Variants in S100Z observed in about 807,000 individuals in gnomAD.
S100Z encodes protein S100-Z.
Under a neutral mutation model 8.5 loss-of-function variants are expected in S100Z, and 11 were observed. That is an observed-to-expected ratio of 1.30 (90% CI 0.82 to 2.15). S100Z has a LOEUF of 2.15. Among genes scored for constraint, S100Z ranks in the 30% most tolerant of loss-of-function variants. The probability of loss-of-function intolerance (pLI) is 0.00; values close to 1 mark genes in which losing one functional copy is unlikely to be tolerated. For missense variants in S100Z, 126 were observed against 117.9 expected (o/e 1.07, Z -0.32); for synonymous variants, 34 against 43.8 (o/e 0.78, Z 0.89).
chr5:76,887,514 C>G (rs1256989564), intron 4 of S100Z, among the ~76,000 whole-genome samples: 1 of 151,458 alleles, frequency 6.6e-6, no homozygotes, highest in Non-Finnish European at 1.5e-5. Flanking sequence ...ATTCTCATGC[C>G]TCAGCCTCCC....
At chr5:76,911,139 A>G (rs1319362692) in intron 4 of S100Z, among the ~76,000 whole-genome samples, 1 of 152,286 alleles carries the variant, frequency 6.6e-6, no homozygotes, top group Non-Finnish European at 1.5e-5. Flanking sequence ...AGGCTAAAAG[A>G]TCCCACCACT....
chr5:76,923,085 C>G (rs1289643570), downstream of S100Z, among the ~76,000 whole-genome samples: 1 of 151,360 alleles, frequency 6.6e-6, no homozygotes, highest in African/African-American at 2.4e-5. Flanking sequence ...AATTCCGTGA[C>G]ATCATCTAAT....
chr5:76,918,545 T>TA (rs1324805973), intron 4 of S100Z, among the ~76,000 whole-genome samples: 4 of 152,186 alleles, frequency 2.6e-5, no homozygotes, highest in Non-Finnish European at 5.9e-5. Context: ...AAATAGACTT[T>TA]AGAGTAGTTT....
At chr5:76,945,302 G>A in the S100Z span, among the ~76,000 whole-genome samples, 7,502 of 152,160 alleles carry the variant, frequency 0.049, 598 homozygotes, top group African/African-American at 0.17. Flanking sequence ...GTTTCTTCCC[G>A]TGTGATAGCC....
chr5:76,904,409 C>T (rs747861839), intron 4 of S100Z, among the ~76,000 whole-genome samples: 4 of 151,932 alleles, frequency 2.6e-5, no homozygotes, highest in East Asian at 1.9e-4. Flanking sequence ...GCCTCCTGAG[C>T]AGCTGGGATC....
chr5:76,852,605 G>T (rs917301421), intron 1 of S100Z, among the ~76,000 whole-genome samples: 1 of 152,172 alleles, frequency 6.6e-6, no homozygotes, highest in Non-Finnish European at 1.5e-5. Flanking sequence ...AGCTACTCAG[G>T]AGGCTAAGGC....
chr5:76,952,952 TA>T, the S100Z span: 1 of 603,174 alleles, frequency 1.7e-6, no homozygotes, highest in South Asian at 2.0e-5. Flanking sequence ...TGAGACAGGG[TA>T]ACCCATGGTT....
intron 3 of S100Z, 104 bp from the exon 4 acceptor site, chr5:76,877,570 A>G: frequency 1.3e-6 from 1 of 745,498 alleles, no homozygotes; most frequent in Admixed American, 2.5e-5. Context: ...TTTAGATGCT[A>G]TAAATGGAAA....
chr5:76,937,827 T>C, the S100Z span, among the ~76,000 whole-genome samples: 1 of 151,284 alleles, frequency 6.6e-6, no homozygotes, highest in African/African-American at 2.4e-5. Context: ...CTTCTTTTCA[T>C]CCCTATTATG....
the S100Z span, among the ~76,000 whole-genome samples, chr5:76,936,658 A>AC: frequency 8.5e-3 from 526 of 62,018 alleles, 3 homozygotes; most frequent in African/African-American, 0.02. Context: ...CACACACACA[A>AC]CCATGAAGGA....
intron 2 of S100Z, among the ~76,000 whole-genome samples, chr5:76,873,689 G>T (rs1250627220): frequency 3.3e-5 from 5 of 152,168 alleles, no homozygotes; most frequent in Non-Finnish European, 5.9e-5. Flanking sequence ...AGGCAGCAAG[G>T]CCAGGGGCAG....
intron 1 of S100Z, among the ~76,000 whole-genome samples, chr5:76,861,307 G>T (rs1248303609): frequency 6.6e-6 from 1 of 152,026 alleles, no homozygotes; most frequent in Non-Finnish European, 1.5e-5. Flanking sequence ...TGCCTCCAGA[G>T]TGAGTGATTC....
At chr5:76,892,478 G>A (rs1049771847) in intron 4 of S100Z, among the ~76,000 whole-genome samples, 17 of 152,274 alleles carry the variant, frequency 1.1e-4, no homozygotes, top group South Asian at 4.1e-4. Flanking sequence ...GTGTAAAACC[G>A]AAGAAAATGA....
At chr5:76,912,809 G>C (rs1046971840) in intron 4 of S100Z, among the ~76,000 whole-genome samples, 4 of 152,038 alleles carry the variant, frequency 2.6e-5, no homozygotes, top group African/African-American at 9.7e-5. Context: ...GGCAAGGAAA[G>C]ACCAGCAGAA....
intron 4 of S100Z, among the ~76,000 whole-genome samples, chr5:76,893,141 C>G (rs1339498227): frequency 6.6e-6 from 1 of 152,090 alleles, no homozygotes; most frequent in Non-Finnish European, 1.5e-5. Flanking sequence ...TTTCCTTTCA[C>G]AATGGAAAGT....
At chr5:76,861,262 G>C (rs1751047343) in intron 1 of S100Z, among the ~76,000 whole-genome samples, 1 of 152,136 alleles carries the variant, frequency 6.6e-6, no homozygotes, top group Non-Finnish European at 1.5e-5. Flanking sequence ...CTCTCCGTAG[G>C]ACTTCTTGGA....
At chr5:76,862,565 G>A (rs952507488) in intron 1 of S100Z, among the ~76,000 whole-genome samples, 9 of 152,066 alleles carry the variant, frequency 5.9e-5, no homozygotes, top group Admixed American at 2.0e-4. Flanking sequence ...TTGGGAGGCC[G>A]AGGCAGGTGG....
chr5:76,948,818 C>T, the S100Z span: 1 of 152,198 alleles, frequency 6.6e-6, no homozygotes, highest in Non-Finnish European at 1.5e-5. Flanking sequence ...AGAAGGTTAA[C>T]ATTCCCCTTG....
the S100Z span, among the ~76,000 whole-genome samples, chr5:76,936,122 A>G: frequency 2.3e-4 from 35 of 152,218 alleles, no homozygotes; most frequent in Non-Finnish European, 1.3e-4. Context: ...TACAATAGTA[A>G]ATTATTCTAT....
Sources: allele counts gnomAD v4.1 joint callset (sites outside exome capture counted in the v4.1 genomes callset), GRCh38; gene constraint gnomAD v4.1.1; transcripts MANE v1.5; gene names NCBI Gene and HGNC (gene_info 2026-07-23, HGNC 2026-07-21).